The following SIK3 variants were observed in gnomAD, a reference collection of about 807,000 sequenced individuals.
The protein encoded by SIK3 is serine/threonine-protein kinase SIK3.
In SIK3, 28 loss-of-function variants were observed where a neutral mutation model predicts 144.2. The ratio of observed to expected loss-of-function variants is 0.19; its 90% CI spans 0.14 to 0.27. The LOEUF is 0.27. Among genes scored for constraint, SIK3 ranks in the 10% least tolerant of loss-of-function variants. The pLI, the probability that SIK3 is intolerant of heterozygous loss-of-function variation, is 1.00. For synonymous variants in SIK3, 686 were observed against 676.3 expected (o/e 1.01, Z -0.22); for missense variants, 1,319 against 1,776.0 (o/e 0.74, Z 4.62).
chr11:117,053,338 GAAA>G (rs754157839), intron 1 of SIK3, among the ~76,000 whole-genome samples: 1 of 121,412 alleles, frequency 8.2e-6, no homozygotes. Flanking sequence ...CTCTGTCTTG[GAAA>G]AAAAAAAAAA....
At chr11:116,892,836 GATAAAGGGTGGTAC>G (rs1254632991) in intron 6 of SIK3, among the ~76,000 whole-genome samples, 1 of 152,222 alleles carries the variant, frequency 6.6e-6, no homozygotes, top group Non-Finnish European at 1.5e-5. Context: ...TAGGTGAAAG[GATAAAGGGTGGTAC>G]ATCCAGGCAA....
chr11:116,873,336 T>C (rs1354619774), intron 13 of SIK3, 145 bp downstream of exon 13: 2 of 1,087,348 alleles, frequency 1.8e-6, no homozygotes, highest in Non-Finnish European at 2.7e-6. Flanking sequence ...TCTACTGGCC[T>C]GAAGAAAATG....
chr11:117,069,853 G>C (rs998527664), intron 1 of SIK3, among the ~76,000 whole-genome samples: 5 of 152,042 alleles, frequency 3.3e-5, no homozygotes, highest in African/African-American at 1.2e-4. Context: ...GAAGAGTTTT[G>C]ATCTCTAACA....
chr11:116,863,879 A>T, intron 15 of SIK3, 61 bp from the exon 16 acceptor site: 1 of 1,483,078 alleles, frequency 6.7e-7, no homozygotes, highest in Non-Finnish European at 9.1e-7. Context: ...CAAATCACAC[A>T]GGGACTGCTG....
At chr11:116,979,594 C>A (rs1172048277) in intron 1 of SIK3, among the ~76,000 whole-genome samples, 2 of 152,120 alleles carry the variant, frequency 1.3e-5, no homozygotes, top group Non-Finnish European at 2.9e-5. Flanking sequence ...TGCCTATAAT[C>A]CCAGCACTGT....
chr11:116,849,058 A>G lies in SIK3; in HGVS notation c.3819+62T>C. On this transcript the variant is annotated intron_variant, in intron 22 of 24. Transcript: ENST00000445177. The surrounding 1 kb of genome is among the most constrained non-coding windows in gnomAD (Gnocchi z 4.2). ...AAGAGAGGCTACCCCACATCACTAT[A>G]CTCTGTTTCAAGGCTGGGACTGGGA... 1 of 1,521,622 alleles carries G rather than the reference A, an allele frequency of 6.6e-7. No homozygotes were observed. The highest frequency in any genetic ancestry group is 8.9e-7 in the Non-Finnish European group (1 of 1,128,702). 94.3% of individuals were successfully genotyped at this position (1,521,622 alleles called of 1,614,324 possible).
chr11:116,986,789 T>C, intron 1 of SIK3, among the ~76,000 whole-genome samples: 1 of 152,266 alleles, frequency 6.6e-6, no homozygotes, highest in Non-Finnish European at 1.5e-5. Flanking sequence ...CCAACACTCA[T>C]GGATCATGAA....
At chr11:116,966,830 T>A (rs191935996) in intron 1 of SIK3, among the ~76,000 whole-genome samples, 1 of 151,164 alleles carries the variant, frequency 6.6e-6, no homozygotes, top group East Asian at 1.9e-4. Context: ...TGAAACCCCG[T>A]CTCTACTAAA....
intron 1 of SIK3, among the ~76,000 whole-genome samples, chr11:117,065,903 A>G (rs1953989324): frequency 6.6e-6 from 1 of 151,834 alleles, no homozygotes; most frequent in Admixed American, 6.6e-5. Context: ...GTGCTGCACA[A>G]TTACAGGTGT....
intron 1 of SIK3, among the ~76,000 whole-genome samples, chr11:117,031,661 C>G (rs965982706): frequency 1.4e-5 from 2 of 145,400 alleles, no homozygotes; most frequent in African/African-American, 5.1e-5. Flanking sequence ...GCTGGGATTA[C>G]TGGCATGTAC....
At chr11:116,862,064 T>C in intron 17 of SIK3, 138 bp from the exon 18 acceptor site, 2 of 1,359,062 alleles carry the variant, frequency 1.5e-6, no homozygotes, top group Non-Finnish European at 2.1e-6. Flanking sequence ...AAGGTCTGAT[T>C]ACCTTTACTC....
In SIK3 at chr11:116,846,620, G is replaced by A; in HGVS notation, c.3953-67C>T. 1.3e-6 allele frequency: 2 copies of A among 1,585,472 alleles called. No individual in the cohort carries two copies. Among genetic ancestry groups the A allele is most frequent in the South Asian group, 2.3e-5 (2 of 88,716 alleles). On this transcript the variant is annotated intron_variant, in intron 23 of 24. Transcript: ENST00000445177. This position sits in a 1 kb window ranked among gnomAD's most constrained non-coding sequence, Gnocchi z 4.1. ...GGGGACTAGGAGAGCAAGGGGGAGAGAGAGGAGGAATTGAAGGCAACCTGT... is the reference window on the plus strand; with the variant it reads ...GGGGACTAGGAGAGCAAGGGGGAGAAAGAGGAGGAATTGAAGGCAACCTGT...
rs895769109 is a variant in SIK3, at chr11:117,040,881, T to C, written c.273+57262A>G. ...ACAACACAATGTTTTTATATACTTA[T>C]ATATAGTGAAATGGTTACTATAGTC... On this transcript the variant is annotated intron_variant, in intron 1 of 24. Transcript: ENST00000445177. 3.3e-5 allele frequency among the ~76,000 whole-genome samples: 5 copies of C among 151,888 alleles called. No homozygotes were observed. In the South Asian group the frequency reaches 6.2e-4, roughly 19 times the overall value.
chr11:116,959,132 C>A (rs575152290), intron 1 of SIK3, among the ~76,000 whole-genome samples: 2 of 152,190 alleles, frequency 1.3e-5, no homozygotes, highest in African/African-American at 4.8e-5. Flanking sequence ...GAGTTCAAGA[C>A]CAGCATGGGC....
intron 6 of SIK3, among the ~76,000 whole-genome samples, chr11:116,893,157 C>A (rs1388152270): frequency 6.6e-6 from 1 of 152,136 alleles, no homozygotes; most frequent in Non-Finnish European, 1.5e-5. Context: ...TTTACCAAAA[C>A]CCACAGAATG....
chr11:116,896,158 G>C, intron 6 of SIK3, 95 bp downstream of exon 6: 1 of 1,521,558 alleles, frequency 6.6e-7, no homozygotes, highest in South Asian at 1.2e-5. Context: ...GGTTGTAAGT[G>C]GGCCATTTAT....
chr11:116,863,504 T>C (rs897557501), intron 16 of SIK3, among the ~76,000 whole-genome samples, 164 bp downstream of exon 16: 16 of 152,154 alleles, frequency 1.1e-4, no homozygotes, highest in Non-Finnish European at 5.9e-5. Flanking sequence ...GCTGGGATTA[T>C]AGGCGGGATC....
intron 1 of SIK3, among the ~76,000 whole-genome samples, chr11:116,999,570 T>A (rs1950781725): frequency 6.6e-6 from 1 of 151,242 alleles, no homozygotes; most frequent in East Asian, 1.9e-4. Flanking sequence ...TTGTTTTTTG[T>A]GGCATTTTGT....
intron 1 of SIK3, among the ~76,000 whole-genome samples, chr11:117,070,178 G>C (rs1014438265): frequency 1.3e-5 from 2 of 152,138 alleles, no homozygotes; most frequent in Non-Finnish European, 2.9e-5. Flanking sequence ...CCCTTCACTA[G>C]AAAACAATAT....
Sources: gnomAD v4.1 joint callset for allele counts (sites outside exome capture counted in the v4.1 genomes callset) on GRCh38, gnomAD v4.1.1 for gene constraint, Gnocchi (gnomAD v3.1) non-coding constraint, MANE v1.5 for transcripts, NCBI Gene and HGNC (gene_info 2026-07-23, HGNC 2026-07-21) for gene names.